ADAM7: variants seen among roughly 807,000 people sequenced by gnomAD.
The protein encoded by ADAM7 is disintegrin and metalloproteinase domain-containing protein 7.
In ADAM7, 97 loss-of-function variants were observed where a neutral mutation model predicts 102.9. The ratio of observed to expected loss-of-function variants is 0.94; its 90% CI spans 0.80 to 1.12. The LOEUF (loss-of-function observed/expected upper bound fraction) is 1.12, where lower values mean the gene tolerates loss of function less well. ADAM7 is among the 50% of genes most tolerant of loss of function. The pLI, the probability that ADAM7 is intolerant of heterozygous loss-of-function variation, is 0.00. For synonymous variants in ADAM7, 334 were observed against 304.4 expected, an observed-to-expected ratio of 1.10 and a Z score of -1.01; for missense variants, 991 against 908.7, an observed-to-expected ratio of 1.09 and a Z score of -1.16.
Position 24,500,786 on chromosome 8 carries a change from G to C in ADAM7, c.2003-4G>C. On this transcript the variant is annotated splice_region_variant and splice_polypyrimidine_tract_variant and intron_variant, in intron 18 of 21. Transcript: ENST00000175238. ...GATGAAGCCCATGTTTCTTCATGTT[G>C]CAGATATCACCATCTTGGTTGTTGT... 6.2e-7 allele frequency: 1 copy of C among 1,610,614 alleles called. No individual in the cohort carries two copies.
chr8:24,487,513 C>T (rs1820182726), intron 11 of ADAM7, among the ~76,000 whole-genome samples, 196 bp downstream of exon 11: 1 of 151,674 alleles, frequency 6.6e-6, no homozygotes, highest in African/African-American at 2.4e-5. Context: ...AGGCTGGTGG[C>T]ACATGCGTGT....
intron 3 of ADAM7, among the ~76,000 whole-genome samples, chr8:24,462,013 A>G (rs1370641792): frequency 6.6e-6 from 1 of 152,212 alleles, no homozygotes; most frequent in African/African-American, 2.4e-5. Context: ...ACGATAGTTC[A>G]ATGTTTCATG....
At chr8:24,506,264 C>G in intron 20 of ADAM7, 1 of 874,946 alleles carries the variant, frequency 1.1e-6, no homozygotes, top group South Asian at 1.6e-5. Context: ...AATAATATAA[C>G]ATCGATAGCT....
intron 6 of ADAM7, among the ~76,000 whole-genome samples, chr8:24,467,855 A>G (rs1401379043): frequency 1.2e-4 from 19 of 152,020 alleles, no homozygotes. Context: ...ATCTGAGGTC[A>G]GAATTCGAGA....
At chr8:24,470,400 G>A (rs916321488) in intron 7 of ADAM7, among the ~76,000 whole-genome samples, 6 of 151,828 alleles carry the variant, frequency 4.0e-5, no homozygotes, top group South Asian at 2.1e-4. Flanking sequence ...AACTTTAATT[G>A]TAATCACTAT....
At chr8:24,471,121 A>G (rs1384037965) in intron 7 of ADAM7, among the ~76,000 whole-genome samples, 1 of 152,132 alleles carries the variant, frequency 6.6e-6, no homozygotes, top group Non-Finnish European at 1.5e-5. Flanking sequence ...AAAAAACAGA[A>G]AAAAGCTTAC....
rs142219351 is a variant in ADAM7 at position 24,465,729 on chromosome 8, C to G, written c.343C>G (p.His115Asp). The G allele has an allele frequency of 6.2e-7, 1 of 1,610,276 alleles. No individual in the cohort carries two copies. The highest frequency in any genetic ancestry group is 1.3e-5 in the African/African-American group (1 of 74,786). Residue 115 changes from histidine (H) to aspartate (D), a missense_variant, in exon 5 of 22, where the codon CAC becomes GAC. His to Asp is a moderately conservative substitution (Grantham distance 81). Transcript: ENST00000175238. ...DHCFYQGSIV[H>D]EYDSAASIST... ...TTGTTTTTACCAAGGATCCATAGTA[C>G]ACGAATATGATTCAGCTGCCAGTAT...
Position 24,487,263 on chromosome 8 carries a change from ACGAGTT to A in ADAM7, c.1039_1044del (p.Glu347_Phe348del). On this transcript the variant is annotated inframe_deletion, in exon 11 of 22. Coordinates refer to ENST00000175238, the MANE Select transcript of ADAM7 (RefSeq NM_003817.4). ...GGGCATAACCTTGGGATGCAGCATG[ACGAGTT>A]CCCATGCACCTGTCCTTCAGGAAAA... 1 of 1,613,956 alleles carries A rather than the reference ACGAGTT, an allele frequency of 6.2e-7. No individual in the cohort carries two copies. The highest frequency in any genetic ancestry group is 1.1e-5 in the South Asian group (1 of 91,088).
In ADAM7 at chr8:24,466,841, A is replaced by G; in HGVS notation, c.432A>G (p.Pro144=). 6.2e-7 allele frequency: 1 copy of G among 1,613,982 alleles called. No homozygotes were observed. Among genetic ancestry groups the G allele is most frequent in the East Asian group, 2.2e-5 (1 of 44,860 alleles). The change falls in exon 6 of 22, where the codon CCA becomes CCG. Residue 144 remains proline (P), a synonymous_variant. Coordinates refer to ENST00000175238, the MANE Select transcript of ADAM7 (RefSeq NM_003817.4). ...ACGACCAAAGATACCTCATTGAACCAGTGAAATACTCAGATGAGGGAGAAC... is the reference window on the plus strand; with the variant it reads ...ACGACCAAAGATACCTCATTGAACCGGTGAAATACTCAGATGAGGGAGAAC... The part of the protein sequence containing the change: ...RINDQRYLIE[P]VKYSDEGEHL...
chr8:24,481,501 A>G (rs1406115572), intron 8 of ADAM7, among the ~76,000 whole-genome samples: 1 of 152,174 alleles, frequency 6.6e-6, no homozygotes, highest in Non-Finnish European at 1.5e-5. Context: ...CAAAATTCCC[A>G]TAATAACTGC....
Position 24,500,829 on chromosome 8 carries a change from T to A in ADAM7, c.2042T>A (p.Val681Asp). 1 of 1,613,476 alleles carries A rather than the reference T, an allele frequency of 6.2e-7. No individual in the cohort carries two copies. The highest frequency in any genetic ancestry group is 1.1e-5 in the South Asian group (1 of 91,046). ...ILVVVLVLVI[V>D]GIGVLILLVR... is the part of the protein sequence containing the mutation. ...GTTGTTGTGCTTGTCCTGGTTATTG[T>A]CGGTATCGGAGTTCTTATACTATTA... Residue 681 changes from valine to aspartate, a missense_variant, in exon 19 of 22, where the codon GTC becomes GAC. By Grantham distance (152) the Val-to-Asp change is radical. Transcript: ENST00000175238.
chr8:24,468,691 G>A (rs1256143348), intron 6 of ADAM7, 76 bp from the exon 7 acceptor site: 1 of 1,310,144 alleles, frequency 7.6e-7, no homozygotes, highest in East Asian at 2.3e-5. Flanking sequence ...AAAATACTAG[G>A]ATTTTTTTTC....
At chr8:24,463,031 C>T (rs1241329288) in intron 3 of ADAM7, among the ~76,000 whole-genome samples, 1 of 152,084 alleles carries the variant, frequency 6.6e-6, no homozygotes, top group Admixed American at 6.5e-5. Flanking sequence ...TAATAGCAGC[C>T]ACATATATGG....
intron 3 of ADAM7, among the ~76,000 whole-genome samples, chr8:24,456,563 C>G (rs918088713): frequency 6.6e-6 from 1 of 151,942 alleles, no homozygotes; most frequent in Non-Finnish European, 1.5e-5. Flanking sequence ...TATAAAAATA[C>G]AGAACTAACA....
chr8:24,493,930 T>C (rs1820464885), intron 16 of ADAM7, among the ~76,000 whole-genome samples: 1 of 152,160 alleles, frequency 6.6e-6, no homozygotes, highest in Admixed American at 6.5e-5. Context: ...AAAGATGAAA[T>C]TGAAGAGAAG....
chr8:24,499,212 C>T (rs185173119), intron 16 of ADAM7, 24 bp from the exon 17 acceptor site: 1 of 1,528,336 alleles, frequency 6.5e-7, no homozygotes, highest in African/African-American at 1.4e-5. Context: ...CATTTTAATT[C>T]ATGCTTGGTT....
At position 24,490,841 on chromosome 8, in the gene ADAM7, A is replaced by G. The variant is rs199913777; in HGVS notation, c.1309A>G (p.Lys437Glu). Reference protein sequence around the residue: ...PCCDAHTCVLKPGFTCAEGEC... With the variant: ...PCCDAHTCVLEPGFTCAEGEC... Reference sequence around the variant, plus strand: ...CTGTGATGCACACACATGTGTACTGAAGCCAGGATTTACTTGTGCAGAAGG... The same window carrying G: ...CTGTGATGCACACACATGTGTACTGGAGCCAGGATTTACTTGTGCAGAAGG... The change falls in exon 13 of 22, where the codon AAG becomes GAG. Residue 437 changes from lysine (K) to glutamate (E), a missense_variant. By Grantham distance (56) the Lys-to-Glu change is moderately conservative. Coordinates refer to ENST00000175238, the MANE Select transcript of ADAM7 (RefSeq NM_003817.4). 3.5e-5 allele frequency: 57 copies of G among 1,613,820 alleles called. No homozygotes were observed. The East Asian group carries it at 1.2e-3, about 35-fold the overall frequency.
intron 16 of ADAM7, among the ~76,000 whole-genome samples, chr8:24,494,862 T>G (rs1057349272): frequency 2.0e-5 from 3 of 152,144 alleles, no homozygotes; most frequent in African/African-American, 7.2e-5. Flanking sequence ...ATTTTGGTAA[T>G]AATTGCCCCA....
In ADAM7 at chr8:24,448,681, AT is replaced by A. The variant is rs869114631; in HGVS notation, c.233+1421del. On this transcript the variant is annotated intron_variant, in intron 3 of 21. Transcript: ENST00000175238. Reference sequence around the variant, plus strand: ...GTTTATTATTATTATTATTATTATTATTATACTTTAAGTTTTAGGGTACATG... The same window carrying A: ...GTTTATTATTATTATTATTATTATTATATACTTTAAGTTTTAGGGTACATG... Among the ~76,000 whole-genome samples, 5 of 151,428 alleles carry A rather than the reference AT, an allele frequency of 3.3e-5. No homozygotes were observed. The South Asian group carries it at 1.0e-3, about 32-fold the overall frequency.
Sources: gnomAD v4.1 joint callset for allele counts (sites outside exome capture counted in the v4.1 genomes callset) on GRCh38, gnomAD v4.1.1 for gene constraint, MANE v1.5 for transcripts, NCBI Gene and HGNC (gene_info 2026-07-23, HGNC 2026-07-21) for gene names.